Variants in ATP8A2 observed in about 807,000 individuals in gnomAD.
ATP8A2 encodes ATPase phospholipid transporting 8A2, also known as phospholipid-transporting ATPase IB.
In ATP8A2, 100 loss-of-function variants were observed where a neutral mutation model predicts 165.6. The observed-to-expected ratio is 0.60, with a 90% CI of 0.51 to 0.71. The LOEUF (loss-of-function observed/expected upper bound fraction) is 0.71. ATP8A2 is among the 30% of genes least tolerant of loss of function. The probability of loss-of-function intolerance (pLI) is 0.00; values close to 1 mark genes in which losing one functional copy is unlikely to be tolerated. For synonymous variants in ATP8A2, 543 were observed against 548.8 expected (o/e 0.99, Z 0.15); for missense variants, 1,227 against 1,479.5 (o/e 0.83, Z 2.80).
Position 25,989,268 on chromosome 13 carries a change from C to T in ATP8A2, c.3377+20589C>T, listed in dbSNP as rs540442827. On this transcript the variant is annotated intron_variant, in intron 35 of 36. Transcript: ENST00000381655. ...GAAAGTGTTAGGGAAAGAGGAGAGA[C>T]GAGTATGGGGAAGGTTATTTTTATT... is the stretch of plus-strand genomic sequence containing the variant. 3.4e-4 allele frequency among the ~76,000 whole-genome samples: 52 copies of T among 151,974 alleles called. No homozygotes were observed. The Middle Eastern group carries it at 0.01, about 30-fold the overall frequency.
rs557175884 is a variant in ATP8A2, at chr13:25,590,426, AAAT to A, written c.2211+738_2211+740del. ...GGTGACAGAGTGAGACTCTGTCTTGAAATAATAATAATACATTCGTATAGTAAT... is the reference window on the plus strand; with the variant it reads ...GGTGACAGAGTGAGACTCTGTCTTGAAATAATAATACATTCGTATAGTAAT... On this transcript the variant is annotated intron_variant, in intron 24 of 36. Coordinates refer to ENST00000381655, the MANE Select transcript of ATP8A2 (RefSeq NM_016529.6). Among the ~76,000 whole-genome samples, 5 of 152,274 alleles carry A rather than the reference AAAT, an allele frequency of 3.3e-5. No individual in the cohort carries two copies. In the South Asian group the frequency reaches 6.2e-4, roughly 19 times the overall value.
At chr13:25,586,295 T>G (rs924869925) in intron 23 of ATP8A2, among the ~76,000 whole-genome samples, 3 of 152,148 alleles carry the variant, frequency 2.0e-5, no homozygotes, top group Non-Finnish European at 2.9e-5. Flanking sequence ...GTTTAAAACT[T>G]GAGCCTTCAG....
At chr13:25,913,125 A>G (rs1954167233) in intron 33 of ATP8A2, among the ~76,000 whole-genome samples, 2 of 152,226 alleles carry the variant, frequency 1.3e-5, no homozygotes, top group African/African-American at 4.8e-5. Flanking sequence ...TGCCAGATAT[A>G]GAGTAGTACT....
chr13:25,670,719 C>G (rs1452751664), intron 24 of ATP8A2, among the ~76,000 whole-genome samples: 1 of 152,158 alleles, frequency 6.6e-6, no homozygotes, highest in Non-Finnish European at 1.5e-5. Context: ...GATGATGTTC[C>G]TCCTGATGCC....
chr13:25,644,855 G>A (rs914902419), intron 24 of ATP8A2, among the ~76,000 whole-genome samples: 3 of 152,140 alleles, frequency 2.0e-5, no homozygotes, highest in South Asian at 2.1e-4. Flanking sequence ...TGTTCATAAT[G>A]TTCTCTTATG....
chr13:25,698,181 T>C (rs1243225861), intron 24 of ATP8A2, among the ~76,000 whole-genome samples: 4 of 151,978 alleles, frequency 2.6e-5, no homozygotes, highest in Non-Finnish European at 5.9e-5. Context: ...GAGTGAGATA[T>C]CCTGTTCATA....
chr13:25,554,893 T>C (rs1329818620), intron 12 of ATP8A2, 98 bp from the exon 13 acceptor site: 1 of 791,728 alleles, frequency 1.3e-6, no homozygotes, highest in Non-Finnish European at 2.0e-6. Flanking sequence ...AAAAGGGTTT[T>C]AGATTACCCA....
intron 2 of ATP8A2, among the ~76,000 whole-genome samples, chr13:25,486,283 T>C (rs1350808001): frequency 6.6e-6 from 1 of 152,242 alleles, no homozygotes; most frequent in African/African-American, 2.4e-5. Flanking sequence ...TAGAGTTAAA[T>C]ACGTTTTTTA....
chr13:25,682,647 G>T (rs2042517014), intron 24 of ATP8A2, among the ~76,000 whole-genome samples: 1 of 152,220 alleles, frequency 6.6e-6, no homozygotes, highest in Non-Finnish European at 1.5e-5. Context: ...ACAGCCCGAA[G>T]AATGTTGAAC....
intron 23 of ATP8A2, among the ~76,000 whole-genome samples, chr13:25,589,351 C>A (rs1378163380): frequency 6.6e-6 from 1 of 152,052 alleles, no homozygotes; most frequent in Non-Finnish European, 1.5e-5. Flanking sequence ...TTTAGACGAT[C>A]CAAGGCTTAT....
At chr13:25,433,145 G>A (rs2034661741) in intron 1 of ATP8A2, among the ~76,000 whole-genome samples, 1 of 152,188 alleles carries the variant, frequency 6.6e-6, no homozygotes, top group African/African-American at 2.4e-5. Context: ...CAGGTCAAAG[G>A]CATTTTCCCA....
At chr13:25,642,591 C>G (rs145897048) in intron 24 of ATP8A2, among the ~76,000 whole-genome samples, 2,326 of 152,266 alleles carry the variant, frequency 0.015, 59 homozygotes, top group African/African-American at 0.052. Context: ...AGTGAGGAAA[C>G]AACAGGTGCT....
At chr13:26,005,112 C>G (rs1246068799) in intron 35 of ATP8A2, among the ~76,000 whole-genome samples, 3 of 151,914 alleles carry the variant, frequency 2.0e-5, no homozygotes, top group Admixed American at 1.3e-4. Context: ...AGGTCTTGGC[C>G]TTTTCTTTGA....
intron 33 of ATP8A2, among the ~76,000 whole-genome samples, chr13:25,920,245 C>T (rs1435823217): frequency 1.3e-5 from 2 of 152,304 alleles, no homozygotes; most frequent in Admixed American, 6.5e-5. Flanking sequence ...GATACTGGCT[C>T]ATTCTTCCTG....
intron 2 of ATP8A2, among the ~76,000 whole-genome samples, chr13:25,488,568 C>G (rs2137624596): frequency 6.6e-6 from 1 of 152,268 alleles, no homozygotes; most frequent in East Asian, 1.9e-4. Flanking sequence ...AAAACCCTTT[C>G]TTTATGAAAA....
At chr13:25,534,802 T>C (rs1394893506) in intron 6 of ATP8A2, among the ~76,000 whole-genome samples, 4 of 152,190 alleles carry the variant, frequency 2.6e-5, no homozygotes, top group African/African-American at 9.7e-5. Context: ...TCAGTGGGCA[T>C]CCCAGTCACC....
intron 33 of ATP8A2, among the ~76,000 whole-genome samples, chr13:25,933,091 G>A (rs991816814): frequency 2.6e-5 from 4 of 152,296 alleles, no homozygotes; most frequent in South Asian, 4.1e-4. Context: ...CAGGTGATCC[G>A]TCCACCTTGG....
At chr13:25,451,387 G>T (rs758045387) in intron 1 of ATP8A2, among the ~76,000 whole-genome samples, 1 of 152,082 alleles carries the variant, frequency 6.6e-6, no homozygotes, top group African/African-American at 2.4e-5. Context: ...CACTCATTTT[G>T]TTTGTTTCTC....
chr13:25,851,857 T>G (rs546449346), intron 30 of ATP8A2, among the ~76,000 whole-genome samples: 34 of 1,224 alleles, frequency 0.028, no homozygotes, highest in African/African-American at 0.049. Flanking sequence ...TTAAAAATGT[T>G]TTTTTCTTTT....
Sources: allele counts gnomAD v4.1 joint callset (sites outside exome capture counted in the v4.1 genomes callset), GRCh38; gene constraint gnomAD v4.1.1; transcripts MANE v1.5; gene names NCBI Gene and HGNC (gene_info 2026-07-23, HGNC 2026-07-21).